GSK3B: variants seen among roughly 807,000 people sequenced by gnomAD.
The protein encoded by GSK3B is glycogen synthase kinase 3 beta, also known as glycogen synthase kinase-3 beta.
GSK3B carries 15 observed loss-of-function variants against 56.4 expected under a neutral mutation model. The ratio of observed to expected loss-of-function variants is 0.27; its 90% CI spans 0.18 to 0.41. The LOEUF is 0.41. Ranked by LOEUF, GSK3B falls within the 10% of genes least tolerant of loss-of-function variation. The pLI, the probability that GSK3B is intolerant of heterozygous loss-of-function variation, is 1.00. For synonymous variants in GSK3B, 181 were observed against 188.9 expected (o/e 0.96, Z 0.34); for missense variants, 300 against 513.4 (o/e 0.58, Z 4.02).
chr3:119,936,332 T>A (rs1559844089), intron 3 of GSK3B, among the ~76,000 whole-genome samples: 2 of 138,438 alleles, frequency 1.4e-5, no homozygotes, highest in Non-Finnish European at 3.0e-5. Context: ...TAAATATATA[T>A]AAAAAATATA....
At chr3:120,051,627 T>G (rs2058150635) in intron 1 of GSK3B, among the ~76,000 whole-genome samples, 1 of 151,382 alleles carries the variant, frequency 6.6e-6, no homozygotes. Flanking sequence ...ATTAGCCAGG[T>G]GTGGTGGTGG....
intron 2 of GSK3B, among the ~76,000 whole-genome samples, chr3:119,958,501 T>G (rs527785220): frequency 3.3e-5 from 5 of 151,736 alleles, no homozygotes; most frequent in Non-Finnish European, 5.9e-5. Flanking sequence ...CACAGGGAGA[T>G]TGCATCTCTA....
chr3:119,982,360 G>A (rs1418941591), intron 2 of GSK3B, among the ~76,000 whole-genome samples: 2 of 152,176 alleles, frequency 1.3e-5, no homozygotes, highest in African/African-American at 4.8e-5. Flanking sequence ...GAAGGAGAAT[G>A]ACTTTGACGA....
chr3:119,961,838 T>C (rs1027728698), intron 2 of GSK3B, among the ~76,000 whole-genome samples: 3 of 152,304 alleles, frequency 2.0e-5, no homozygotes, highest in South Asian at 2.1e-4. Context: ...AGTACCCATA[T>C]AGTATTCAAT....
intron 2 of GSK3B, among the ~76,000 whole-genome samples, chr3:119,998,892 A>C (rs2057649799): frequency 6.6e-6 from 1 of 152,226 alleles, no homozygotes; most frequent in African/African-American, 2.4e-5. Context: ...GCTACACAGG[A>C]AATGGGCATT....
At position 119,912,863 on chromosome 3, in the gene GSK3B, T is replaced by C. The variant is rs1422915857; in HGVS notation, c.609-53A>G. On this transcript the variant is annotated intron_variant, in intron 5 of 10. Coordinates refer to ENST00000264235, the MANE Select transcript of GSK3B (RefSeq NM_001146156.2). ...GCAGAAATTCTTTAAATCTAAACCT[T>C]AAAGAACTTAGACTGCTATCCTTTC... is the stretch of plus-strand genomic sequence containing the variant. 3.6e-6 allele frequency: 3 copies of C among 835,290 alleles called. No homozygotes were observed. The East Asian group carries it at 7.4e-5, about 21-fold the overall frequency. The allele number at this position is 835,290 out of a possible 1,614,324, so 51.7% of individuals were successfully genotyped here.
intron 1 of GSK3B, among the ~76,000 whole-genome samples, chr3:120,050,388 A>G (rs1237633067): frequency 6.6e-6 from 1 of 152,240 alleles, no homozygotes; most frequent in Non-Finnish European, 1.5e-5. Flanking sequence ...TGATTTACAA[A>G]GACAGACGGC....
At chr3:119,942,827 C>T (rs2057063312) in intron 3 of GSK3B, among the ~76,000 whole-genome samples, 1 of 151,898 alleles carries the variant, frequency 6.6e-6, no homozygotes, top group African/African-American at 2.4e-5. Context: ...AACTATAAGC[C>T]CAGGGTTTCA....
At chr3:119,973,854 T>C (rs2057389365) in intron 2 of GSK3B, among the ~76,000 whole-genome samples, 2 of 152,156 alleles carry the variant, frequency 1.3e-5, no homozygotes, top group Non-Finnish European at 2.9e-5. Context: ...TCTTGGAACA[T>C]ACCCCCGAAA....
At chr3:119,959,273 T>C (rs1267550931) in intron 2 of GSK3B, among the ~76,000 whole-genome samples, 6 of 152,166 alleles carry the variant, frequency 3.9e-5, no homozygotes, top group African/African-American at 1.2e-4. Context: ...GACTCCCAAT[T>C]GTATATCTCT....
At chr3:119,832,299 GCTTCTGCCTCCAGGCAAGTCAT>G in intron 10 of GSK3B, among the ~76,000 whole-genome samples, 1 of 152,358 alleles carries the variant, frequency 6.6e-6, no homozygotes, top group Admixed American at 6.5e-5. Flanking sequence ...TGGAAGCAGA[GCTTCTGCCTCCAGGCAAGTCAT>G]CAGACGACTG....
chr3:119,842,126 A>C (rs1348546721), intron 10 of GSK3B, among the ~76,000 whole-genome samples: 1 of 152,178 alleles, frequency 6.6e-6, no homozygotes, highest in Non-Finnish European at 1.5e-5. Context: ...TAACTGTGCT[A>C]CCTATTATGT....
chr3:119,889,552 A>C (rs1170134330), intron 7 of GSK3B, among the ~76,000 whole-genome samples: 1 of 152,108 alleles, frequency 6.6e-6, no homozygotes, highest in Non-Finnish European at 1.5e-5. Context: ...AAATGCAACA[A>C]GGAGGTATAG....
At chr3:119,898,155 A>T (rs2056588719) in intron 7 of GSK3B, among the ~76,000 whole-genome samples, 1 of 152,188 alleles carries the variant, frequency 6.6e-6, no homozygotes, top group Non-Finnish European at 1.5e-5. Context: ...ATAATCAAAC[A>T]CAAAGACTAT....
At chr3:119,933,005 G>A (rs1402964033) in intron 3 of GSK3B, among the ~76,000 whole-genome samples, 2 of 152,144 alleles carry the variant, frequency 1.3e-5, no homozygotes, top group East Asian at 1.9e-4. Flanking sequence ...GGCTGAGGCA[G>A]GAGAATTGCT....
At chr3:120,028,422 G>C (rs767947116) in intron 1 of GSK3B, among the ~76,000 whole-genome samples, 2 of 152,114 alleles carry the variant, frequency 1.3e-5, no homozygotes, top group Non-Finnish European at 2.9e-5. Flanking sequence ...ATGCCACTAA[G>C]GCCATAGATC....
At chr3:120,015,607 G>A (rs1490192324) in intron 1 of GSK3B, among the ~76,000 whole-genome samples, 10 of 118,660 alleles carry the variant, frequency 8.4e-5, no homozygotes, top group South Asian at 2.9e-4. Flanking sequence ...CCAAGATCAC[G>A]CCATTGCACT....
intron 1 of GSK3B, among the ~76,000 whole-genome samples, chr3:120,019,366 A>AT (rs1340992597): frequency 6.6e-6 from 1 of 152,180 alleles, no homozygotes; most frequent in African/African-American, 2.4e-5. Flanking sequence ...ACTGACCAGC[A>AT]TAAGGATTGC....
chr3:119,903,796 T>C (rs1471709364), intron 7 of GSK3B, among the ~76,000 whole-genome samples: 1 of 152,130 alleles, frequency 6.6e-6, no homozygotes, highest in East Asian at 1.9e-4. Flanking sequence ...GCTAAACATA[T>C]ATGACAAATA....
Sources: gnomAD v4.1 joint callset for allele counts (sites outside exome capture counted in the v4.1 genomes callset) on GRCh38, gnomAD v4.1.1 for gene constraint, MANE v1.5 for transcripts, NCBI Gene and HGNC (gene_info 2026-07-23, HGNC 2026-07-21) for gene names.